CUL2: variants seen among roughly 807,000 people sequenced by gnomAD.
CUL2 encodes cullin-2.
A neutral mutation model predicts 110.2 loss-of-function variants in CUL2; 22 were observed. The observed-to-expected ratio is 0.20, with a 90% confidence interval of 0.14 to 0.28. The LOEUF is 0.28. Ranked by LOEUF, CUL2 falls within the 10% of genes least tolerant of loss-of-function variation. CUL2 has a pLI of 1.00. For synonymous variants in CUL2, 279 were observed against 293.2 expected, an observed-to-expected ratio of 0.95 and a Z score of 0.49; for missense variants, 631 against 905.5, an observed-to-expected ratio of 0.70 and a Z score of 3.89.
At chr10:35,020,991 TCTCA>T (rs1351022518) in intron 17 of CUL2, among the ~76,000 whole-genome samples, 3 of 148,236 alleles carry the variant, frequency 2.0e-5, no homozygotes, top group Admixed American at 6.9e-5. Flanking sequence ...CAAGACAGGG[TCTCA>T]CTATGTTGCC....
Position 35,032,419 on chromosome 10 carries a change from C to T in CUL2, c.1170+16G>A. On this transcript the variant is annotated intron_variant, in intron 12 of 20. Coordinates refer to ENST00000374749, the MANE Select transcript of CUL2 (RefSeq NM_003591.4). Reference sequence around the variant, plus strand: ...GACTTTTCATAAGATTACTTTTCAGCAACCACCAAACTTACCAGTTCAGGT... The same window carrying T: ...GACTTTTCATAAGATTACTTTTCAGTAACCACCAAACTTACCAGTTCAGGT... 6.3e-7 allele frequency: 1 copy of T among 1,578,874 alleles called. No individual in the cohort carries two copies. The highest frequency in any genetic ancestry group is 8.6e-7 in the Non-Finnish European group (1 of 1,167,304).
At chr10:35,039,460 A>G (rs1187779423) in intron 8 of CUL2, among the ~76,000 whole-genome samples, 2 of 152,252 alleles carry the variant, frequency 1.3e-5, no homozygotes, top group African/African-American at 2.4e-5. Flanking sequence ...AAAATAAATT[A>G]TATTGAAATC....
At chr10:35,109,344 A>G (rs191588367) in intron 1 of CUL2, among the ~76,000 whole-genome samples, 8 of 152,342 alleles carry the variant, frequency 5.3e-5, no homozygotes, top group African/African-American at 1.9e-4. Flanking sequence ...TTGATTGATT[A>G]CATCATTATT....
rs1487092760 is a variant in CUL2 at position 35,018,403 on chromosome 10, A to AT, written c.1685-2010dup. 2.0e-5 allele frequency among the ~76,000 whole-genome samples: 3 copies of AT among 151,158 alleles called. No homozygotes were observed. The East Asian group carries it at 5.9e-4, about 29-fold the overall frequency. On this transcript the variant is annotated intron_variant, in intron 17 of 20. Transcript: ENST00000374749. ...CTCATAAAATTACCCCAGAGACTGC[A>AT]TTTTCCCTCTCAAGGATAATTAGTA... is the stretch of plus-strand genomic sequence containing the variant.
At chr10:35,115,631 C>T (rs2087584326) in intron 1 of CUL2, among the ~76,000 whole-genome samples, 1 of 152,038 alleles carries the variant, frequency 6.6e-6, no homozygotes, top group Admixed American at 6.6e-5. Context: ...TGGTGGCTCA[C>T]ACCTGTAAAC....
At chr10:35,076,398 T>C (rs981418714) in intron 1 of CUL2, among the ~76,000 whole-genome samples, 2 of 152,134 alleles carry the variant, frequency 1.3e-5, no homozygotes, top group Non-Finnish European at 2.9e-5. Context: ...GTAAACTGAA[T>C]GGTATGTGAC....
At position 35,049,771 on chromosome 10, in the gene CUL2, G is replaced by A. The variant is rs7900480; in HGVS notation, c.424-6C>T. The A allele has an allele frequency of 0.34, 541,745 of 1,601,670 alleles. 92,629 individuals carry two copies. The highest frequency in any genetic ancestry group is 0.41 in the African/African-American group (30,654 of 74,562). ...CTCCACATATCCAATGCTAGCTGCC[G>A]GGAAAAACGAAAATCATCAGGGCTG... On this transcript the variant is annotated splice_region_variant and splice_polypyrimidine_tract_variant and intron_variant, in intron 5 of 20. Transcript: ENST00000374749.
In CUL2 at chr10:35,009,201, T is replaced by TATA. The variant is rs1554851929; in HGVS notation, c.*1109_*1110insTAT. On this transcript the variant is annotated 3_prime_UTR_variant, in exon 21 of 21. Coordinates refer to ENST00000374749, the MANE Select transcript of CUL2 (RefSeq NM_003591.4). The stretch of plus-strand genomic sequence containing the variant: ...CTGTTGAGATATATATATATATATA[T>TATA]TATATATATATATATATATAAAATA... The TATA allele has an allele frequency of 1.7e-4, 23 of 137,886 alleles. No individual in the cohort carries two copies. The highest frequency in any genetic ancestry group is 3.8e-4 in the Admixed American group (5 of 13,206). 8.5% of individuals were successfully genotyped at this position (137,886 alleles called of 1,614,324 possible). A position where few individuals can be genotyped will look rare whatever the true frequency, so the allele number is the denominator to read the frequency against.
At chr10:35,086,196 A>C (rs1477292152) in intron 1 of CUL2, among the ~76,000 whole-genome samples, 1 of 152,014 alleles carries the variant, frequency 6.6e-6, no homozygotes, top group Non-Finnish European at 1.5e-5. Flanking sequence ...CTCAAAAAAA[A>C]AAAAGAAACA....
At chr10:35,107,416 CA>C (rs1205591506) in intron 1 of CUL2, among the ~76,000 whole-genome samples, 1 of 152,048 alleles carries the variant, frequency 6.6e-6, no homozygotes, top group African/African-American at 2.4e-5. Flanking sequence ...TGTCAATAAA[CA>C]AATATACATA....
At position 35,025,168 on chromosome 10, in the gene CUL2, C is replaced by T; in HGVS notation, c.1648G>A (p.Gly550Arg). 6.4e-7 allele frequency: 1 copy of T among 1,570,678 alleles called. No homozygotes were observed. Among genetic ancestry groups the T allele is most frequent in the Non-Finnish European group, 8.6e-7 (1 of 1,163,442 alleles). Residue 550 changes from glycine to arginine, a missense_variant, in exon 17 of 21, where the codon GGA becomes AGA. By Grantham distance (125) the Gly-to-Arg change is moderately radical (BLOSUM62 -2). Coordinates refer to ENST00000374749, the MANE Select transcript of CUL2 (RefSeq NM_003591.4). ...FELFYSQHFS[G>R]RKLTWLHYLC... ...TAATGTAACCATGTAAGTTTCCTTC[C>T]ACTGAAATGTTGGCTATAAAATAAT...
At chr10:35,021,284 T>C (rs943284150) in intron 17 of CUL2, among the ~76,000 whole-genome samples, 7 of 150,738 alleles carry the variant, frequency 4.6e-5, no homozygotes, top group African/African-American at 1.7e-4. Context: ...TGAGACGGAG[T>C]CTTGCTCTGT....
chr10:35,082,140 A>C (rs1255614062), intron 1 of CUL2, among the ~76,000 whole-genome samples: 1 of 152,076 alleles, frequency 6.6e-6, no homozygotes, highest in Non-Finnish European at 1.5e-5. Flanking sequence ...GACTGAAAAA[A>C]AAAAAAAATT....
Position 35,089,426 on chromosome 10 carries a change from G to A in CUL2, c.-23+753C>T, listed in dbSNP as rs73260804. Among the ~76,000 whole-genome samples the A allele has an allele frequency of 3.7e-3, 571 of 152,322 alleles. 6 individuals are homozygous for A. Among genetic ancestry groups the A allele is most frequent in the African/African-American group, 0.013 (530 of 41,576 alleles). Reference sequence around the variant, plus strand: ...TTACTACGAAGGTAGGCTTGGCCAGGTCTAGTTCAAAGACGTTTATGTTGA... The same window carrying A: ...TTACTACGAAGGTAGGCTTGGCCAGATCTAGTTCAAAGACGTTTATGTTGA... On this transcript the variant is annotated intron_variant, in intron 1 of 20. Coordinates refer to ENST00000374749, the MANE Select transcript of CUL2 (RefSeq NM_003591.4).
At chr10:35,037,651 C>A (rs574592610) in intron 9 of CUL2, among the ~76,000 whole-genome samples, 6 of 151,786 alleles carry the variant, frequency 4.0e-5, no homozygotes, top group Admixed American at 3.3e-4. Context: ...CGAGACCAGC[C>A]GGCCAACATA....
At chr10:35,015,959 T>A (rs981312796) in intron 18 of CUL2, among the ~76,000 whole-genome samples, 2 of 152,212 alleles carry the variant, frequency 1.3e-5, no homozygotes, top group Admixed American at 6.5e-5. Flanking sequence ...CAATAAGCTG[T>A]AACAGTATAG....
chr10:35,031,668 A>C lies in CUL2; in HGVS notation c.1171-49T>G, dbSNP rs370474165. 26 of 1,600,658 alleles carry C rather than the reference A, an allele frequency of 1.6e-5. 1 individual carries two copies. In the South Asian group the frequency reaches 2.7e-4, roughly 16 times the overall value. On this transcript the variant is annotated intron_variant, in intron 12 of 20. Transcript: ENST00000374749. This position sits in a 1 kb window ranked among gnomAD's most constrained non-coding sequence, Gnocchi z 4.4. ...TCTTACAAAGGGTGCTTCTGTATAT[A>C]TCACGCCTCAAAGGAGGCAAAGTGG...
intron 1 of CUL2, among the ~76,000 whole-genome samples, chr10:35,080,343 T>A (rs1007579416): frequency 6.6e-6 from 1 of 152,170 alleles, no homozygotes; most frequent in Non-Finnish European, 1.5e-5. Context: ...GGGTGCAATG[T>A]TTTTTGTTGC....
At chr10:35,118,563 T>G (rs186840123) in intron 1 of CUL2, 11 of 152,336 alleles carry the variant, frequency 7.2e-5, no homozygotes, top group African/African-American at 2.4e-4. Flanking sequence ...GAAGCTCTAT[T>G]AAGCTTATTT....
Sources: allele counts gnomAD v4.1 joint callset (sites outside exome capture counted in the v4.1 genomes callset), GRCh38; gene constraint gnomAD v4.1.1; non-coding constraint Gnocchi (gnomAD v3.1); transcripts MANE v1.5; gene names NCBI Gene and HGNC (gene_info 2026-07-23, HGNC 2026-07-21).